Variants in MAP1A observed in about 807,000 individuals in gnomAD.
MAP1A encodes the protein microtubule-associated protein 1A.
In MAP1A, 42 loss-of-function variants were observed where a neutral mutation model predicts 185.9. The observed-to-expected ratio is 0.23, with a 90% CI of 0.18 to 0.29. The LOEUF (loss-of-function observed/expected upper bound fraction) is 0.29. Among genes scored for constraint, MAP1A ranks in the 10% least tolerant of loss-of-function variants. MAP1A has a pLI of 1.00. For missense variants in MAP1A, 2,995 were observed against 3,450.4 expected (o/e 0.87, Z 3.31); for synonymous variants, 1,229 against 1,335.9 (o/e 0.92, Z 1.74).
Position 43,528,257 on chromosome 15 carries a change from G to A in MAP1A, c.6784G>A (p.Glu2262Lys), listed in dbSNP as rs2079354848. 6.2e-7 allele frequency: 1 copy of A among 1,614,036 alleles called. No individual in the cohort carries two copies. The highest frequency in any genetic ancestry group is 1.7e-5 in the Admixed American group (1 of 60,034). ...AGCCCTGTCTGAGGGCTCCTCCTCT[G>A]AGGCTACCACGCCTGTGATTTCAAG... ...SPALSEGSSS[E>K]ATTPVISSVA... is the part of the protein sequence containing the mutation. The change falls in exon 4 of 6, where the codon GAG (glutamate) becomes AAG (lysine). Residue 2262 changes from glutamate (E) to lysine (K), a missense_variant. By Grantham distance (56) the Glu-to-Lys change is moderately conservative (BLOSUM62 1). This residue lies in a region of MAP1A where 2,728 missense variants were observed against 2,986.0 expected (regional missense o/e 0.91). Coordinates refer to ENST00000300231, the MANE Select transcript of MAP1A (RefSeq NM_002373.6).
In MAP1A at chr15:43,528,727, C is replaced by G. The variant is rs1180166623; in HGVS notation, c.7254C>G (p.Gly2418=). 6 of 1,612,918 alleles carry G rather than the reference C, an allele frequency of 3.7e-6. No homozygotes were observed. The highest frequency in any genetic ancestry group is 1.3e-5 in the African/African-American group (1 of 74,924). ...AGCAGCCAGTGTGTCCTGCAGGGGG[C>G]TCCGGGGGCCCACCCAGCAGTGCCT... ...SPEQPVCPAG[G]SGGPPSSASP... is the part of the protein sequence containing the mutation. The change falls in exon 4 of 6, where the codon GGC becomes GGG. Residue 2418 remains glycine, a synonymous_variant. Coordinates refer to ENST00000300231, the MANE Select transcript of MAP1A (RefSeq NM_002373.6).
At position 43,522,261 on chromosome 15, in the gene MAP1A, T is replaced by C. The variant is rs764488460; in HGVS notation, c.788T>C (p.Val263Ala). 6 of 1,614,096 alleles carry C rather than the reference T, an allele frequency of 3.7e-6. No individual in the cohort carries two copies. In the African/African-American group the frequency reaches 8.0e-5, roughly 22 times the overall value. ...CCAGCCAATCCCACTGAGAAGATTGTGCGTGTGCTTTTTCCAGGAAATGCT... is the reference window on the plus strand; with the variant it reads ...CCAGCCAATCCCACTGAGAAGATTGCGCGTGTGCTTTTTCCAGGAAATGCT... ...WLPANPTEKI[V>A]RVLFPGNAPQ... The change falls in exon 4 of 6, where the codon GTG (valine) becomes GCG (alanine). Residue 263 changes from valine (V) to alanine (A), a missense_variant. By Grantham distance (64) the Val-to-Ala change is moderately conservative. Transcript: ENST00000300231. This position sits in a 1 kb window ranked among gnomAD's most constrained non-coding sequence, Gnocchi z 5.9.
In MAP1A at chr15:43,525,853, G is replaced by A. The variant is rs761548310; in HGVS notation, c.4380G>A (p.Lys1460=). 6 of 1,574,200 alleles carry A rather than the reference G, an allele frequency of 3.8e-6. No homozygotes were observed. The highest frequency in any genetic ancestry group is 5.2e-6 in the Non-Finnish European group (6 of 1,162,746). Residue 1460 remains lysine (K), a synonymous_variant, in exon 4 of 6, where the codon AAG becomes AAA. Coordinates refer to ENST00000300231, the MANE Select transcript of MAP1A (RefSeq NM_002373.6). Reference sequence around the variant, plus strand: ...AGAAAGACAAAGCCTTAGAACAAAAGGATACAGCCCTGGAACAGAAGGACA... The same window carrying A: ...AGAAAGACAAAGCCTTAGAACAAAAAGATACAGCCCTGGAACAGAAGGACA... The part of the protein sequence containing the change: ...PEEKDKALEQ[K]DTALEQKDKA...
At position 43,530,400 on chromosome 15, in the gene MAP1A, C is replaced by A. The variant is rs1362714530; in HGVS notation, c.*176C>A. 1 of 736,032 alleles carries A rather than the reference C, an allele frequency of 1.4e-6. No individual in the cohort carries two copies. The highest frequency in any genetic ancestry group is 3.0e-5 in the Admixed American group (1 of 33,738). The allele number at this position is 736,032 out of a possible 1,614,324, so 45.6% of individuals were successfully genotyped here. A position where few individuals can be genotyped will look rare whatever the true frequency, so the allele number is the denominator to read the frequency against. ...GGGTTGTCCCTCCCCATCATCCATT[C>A]CTGTGAGGTGTCTCAAACCAAAGTT... is the stretch of plus-strand genomic sequence containing the variant. On this transcript the variant is annotated 3_prime_UTR_variant, in exon 6 of 6. Coordinates refer to ENST00000300231, the MANE Select transcript of MAP1A (RefSeq NM_002373.6).
chr15:43,525,038 G>A lies in MAP1A; in HGVS notation c.3565G>A (p.Val1189Ile), dbSNP rs1186282250. 1.9e-6 allele frequency: 3 copies of A among 1,614,162 alleles called. No homozygotes were observed. In the South Asian group the frequency reaches 3.3e-5, roughly 18 times the overall value. Residue 1189 changes from valine (V) to isoleucine (I), a missense_variant, in exon 4 of 6, where the codon GTA becomes ATA. Val to Ile is a conservative substitution (Grantham distance 29). Coordinates refer to ENST00000300231, the MANE Select transcript of MAP1A (RefSeq NM_002373.6). ...CCTACACAAAGACCGTTGGCCAGAG[G>A]TATCTCCAGAAGACACCCAGTCACT... Reference protein sequence around the residue: ...QYLHKDRWPEVSPEDTQSLSL... With the variant: ...QYLHKDRWPEISPEDTQSLSL...
Position 43,525,609 on chromosome 15 carries a change from T to G in MAP1A, c.4136T>G (p.Val1379Gly). The G allele has an allele frequency of 6.3e-7, 1 of 1,593,142 alleles. No individual in the cohort carries two copies. The change falls in exon 4 of 6, where the codon GTG becomes GGG. Residue 1379 changes from valine to glycine, a missense_variant. Physicochemically the swap from Val to Gly is moderately radical, Grantham distance 109. This residue lies in a region of MAP1A where 2,728 missense variants were observed against 2,986.0 expected (regional missense o/e 0.91). Transcript: ENST00000300231. ...QKDKTLEHKE[V>G]VEPKDTAIYQ... Reference sequence around the variant, plus strand: ...GACAAAACTCTGGAGCACAAGGAGGTGGTAGAGCCGAAGGATACAGCCATC... The same window carrying G: ...GACAAAACTCTGGAGCACAAGGAGGGGGTAGAGCCGAAGGATACAGCCATC...
intron 1 of MAP1A, among the ~76,000 whole-genome samples, chr15:43,518,483 T>A (rs947466728): frequency 3.9e-5 from 6 of 152,104 alleles, no homozygotes; most frequent in Admixed American, 2.6e-4. Flanking sequence ...GGAGCCAGTT[T>A]CTTCTCTCTC....
In MAP1A at chr15:43,524,513, C is replaced by G; in HGVS notation, c.3040C>G (p.Pro1014Ala). 2 of 1,614,138 alleles carry G rather than the reference C, an allele frequency of 1.2e-6. No homozygotes were observed. The highest frequency in any genetic ancestry group is 1.7e-6 in the Non-Finnish European group (2 of 1,180,030). Reference protein sequence around the residue: ...SATHTPFHQSPVEEKSEPQDF... With the variant: ...SATHTPFHQSAVEEKSEPQDF... ...CACCCACACACCCTTTCATCAGTCCCCAGTGGAAGAAAAGTCTGAGCCCCA... is the reference window on the plus strand; with the variant it reads ...CACCCACACACCCTTTCATCAGTCCGCAGTGGAAGAAAAGTCTGAGCCCCA... The change falls in exon 4 of 6, where the codon CCA (proline) becomes GCA (alanine). Residue 1014 changes from proline (P) to alanine (A), a missense_variant. Around this residue, in one of 3 missense-constraint regions of MAP1A, gnomAD observed 2,728 missense variants for 2,986.0 expected, o/e 0.91. Coordinates refer to ENST00000300231, the MANE Select transcript of MAP1A (RefSeq NM_002373.6).
rs756315722 is a variant in MAP1A at position 43,523,905 on chromosome 15, A to C, written c.2432A>C (p.Tyr811Ser). The change falls in exon 4 of 6, where the codon TAC becomes TCC. Residue 811 changes from tyrosine (Y) to serine (S), a missense_variant. By Grantham distance (144) the Tyr-to-Ser change is moderately radical (BLOSUM62 -2). Coordinates refer to ENST00000300231, the MANE Select transcript of MAP1A (RefSeq NM_002373.6). ...VYGTPETELTYPTNIVAAPLA... is the reference protein window; with the variant it reads ...VYGTPETELTSPTNIVAAPLA... ...GGAACGCCAGAGACTGAACTCACCT[A>C]CCCCACTAACATAGTGGCTGCCCCT... is the stretch of plus-strand genomic sequence containing the variant. 6.2e-7 allele frequency: 1 copy of C among 1,614,086 alleles called. No individual in the cohort carries two copies. The highest frequency in any genetic ancestry group is 8.5e-7 in the Non-Finnish European group (1 of 1,180,000).
intron 1 of MAP1A, among the ~76,000 whole-genome samples, chr15:43,511,717 G>A (rs1357374199): frequency 6.6e-6 from 1 of 152,224 alleles, no homozygotes; most frequent in Non-Finnish European, 1.5e-5. Context: ...TCCTTCCCCA[G>A]TGCTGTGCCT....
Position 43,527,577 on chromosome 15 carries a change from A to G in MAP1A, c.6104A>G (p.Tyr2035Cys), listed in dbSNP as rs2079350886. The change falls in exon 4 of 6, where the codon TAT becomes TGT. Residue 2035 changes from tyrosine (Y) to cysteine (C), a missense_variant. By Grantham distance (194) the Tyr-to-Cys change is radical (BLOSUM62 -2). Around this residue, in one of 3 missense-constraint regions of MAP1A, gnomAD observed 2,728 missense variants for 2,986.0 expected, o/e 0.91. Transcript: ENST00000300231. ...CAGTCTGACACTCCAACCTTCAGCT[A>G]TGCAGCCCTGGCAGGACCCACTGTA... The part of the protein sequence containing the change: ...SLQSDTPTFS[Y>C]AALAGPTVPP... The G allele has an allele frequency of 1.2e-6, 2 of 1,614,124 alleles. No homozygotes were observed. The highest frequency in any genetic ancestry group is 8.5e-7 in the Non-Finnish European group (1 of 1,180,016).
rs368651386 is a variant in MAP1A, at chr15:43,524,206, C to G, written c.2733C>G (p.Pro911=). 4.3e-6 allele frequency: 7 copies of G among 1,614,092 alleles called. No homozygotes were observed. The highest frequency in any genetic ancestry group is 5.9e-6 in the Non-Finnish European group (7 of 1,180,046). ...LEEDKGFKSP[P]CEDFSVTGES... is the part of the protein sequence containing the mutation. ...AAGACAAGGGCTTCAAATCACCACCCTGTGAGGACTTCTCTGTGACTGGGG... is the reference window on the plus strand; with the variant it reads ...AAGACAAGGGCTTCAAATCACCACCGTGTGAGGACTTCTCTGTGACTGGGG... The change falls in exon 4 of 6, where the codon CCC becomes CCG. Residue 911 remains proline (P), a synonymous_variant. Coordinates refer to ENST00000300231, the MANE Select transcript of MAP1A (RefSeq NM_002373.6).
chr15:43,522,128 T>C lies in MAP1A; in HGVS notation c.655T>C (p.Trp219Arg), dbSNP rs1359709178. 6.2e-7 allele frequency: 1 copy of C among 1,614,172 alleles called. No homozygotes were observed. Among genetic ancestry groups the C allele is most frequent in the Middle Eastern group, 1.6e-4 (1 of 6,062 alleles). The change falls in exon 4 of 6, where the codon TGG becomes CGG. Residue 219 changes from tryptophan to arginine, a missense_variant. Coordinates refer to ENST00000300231, the MANE Select transcript of MAP1A (RefSeq NM_002373.6). The surrounding 1 kb of genome is among the most constrained non-coding windows in gnomAD (Gnocchi z 5.9). ...GGAGATGCAGTTCCTCATGCAAAAG[T>C]GGGCAGGCAATAGTAAAGCCAAGAC... Reference protein sequence around the residue: ...SKEMQFLMQKWAGNSKAKTGI... With the variant: ...SKEMQFLMQKRAGNSKAKTGI...
rs1327016588 is a variant in MAP1A at position 43,528,700 on chromosome 15, T to C, written c.7227T>C (p.Pro2409=). 3.7e-6 allele frequency: 6 copies of C among 1,613,566 alleles called. No homozygotes were observed. The highest frequency in any genetic ancestry group is 5.1e-6 in the Non-Finnish European group (6 of 1,179,966). The change falls in exon 4 of 6, where the codon CCT becomes CCC. Residue 2409 remains proline (P), a synonymous_variant. Coordinates refer to ENST00000300231, the MANE Select transcript of MAP1A (RefSeq NM_002373.6). Reference sequence around the variant, plus strand: ...CCCGGCCTGACACATTGCTCTCCCCTGAGCAGCCAGTGTGTCCTGCAGGGG... The same window carrying C: ...CCCGGCCTGACACATTGCTCTCCCCCGAGCAGCCAGTGTGTCCTGCAGGGG... ...RSSRPDTLLS[P]EQPVCPAGGS...
rs1466585351 is a variant in MAP1A at position 43,523,249 on chromosome 15, G to A, written c.1776G>A (p.Glu592=). ...GACAAGAAGAACATGTGATGAAGGAGAAAGAGCTTGTCCCAGAGGTCCCTG... is the reference window on the plus strand; with the variant it reads ...GACAAGAAGAACATGTGATGAAGGAAAAAGAGCTTGTCCCAGAGGTCCCTG... ...GLGQEEHVMK[E]KELVPEVPEE... The change falls in exon 4 of 6, where the codon GAG becomes GAA. Residue 592 remains glutamate (E), a synonymous_variant. Transcript: ENST00000300231. The A allele has an allele frequency of 6.2e-7, 1 of 1,614,076 alleles. No homozygotes were observed. The highest frequency in any genetic ancestry group is 8.5e-7 in the Non-Finnish European group (1 of 1,179,972).
intron 1 of MAP1A, chr15:43,511,262 T>G: frequency 5.3e-5 from 79 of 1,484,580 alleles, no homozygotes; most frequent in Non-Finnish European, 6.7e-5. Context: ...CAGGCATCTC[T>G]ACCCTGTGCT....
upstream of MAP1A, among the ~76,000 whole-genome samples, chr15:43,515,704 G>A (rs1212001049): frequency 1.3e-5 from 2 of 152,224 alleles, no homozygotes; most frequent in African/African-American, 2.4e-5. Context: ...AGTTTATGAA[G>A]TAGGCTCTGA....
At position 43,529,168 on chromosome 15, in the gene MAP1A, G is replaced by A; in HGVS notation, c.7695G>A (p.Gln2565=). 1.2e-6 allele frequency: 2 copies of A among 1,612,700 alleles called. No individual in the cohort carries two copies. The highest frequency in any genetic ancestry group is 1.7e-6 in the Non-Finnish European group (2 of 1,179,614). ...RPGHDPPPLP[Q]PDPRPSPPRP... is the part of the protein sequence containing the mutation. ...GCCATGACCCACCTCCTCTCCCACA[G>A]CCAGACCCCCGCCCATCCCCTCCCC... Residue 2565 remains glutamine (Q), a synonymous_variant, in exon 4 of 6, where the codon CAG becomes CAA. Transcript: ENST00000300231. The surrounding 1 kb of genome is among the most constrained non-coding windows in gnomAD (Gnocchi z 4.3).
In MAP1A at chr15:43,521,934, G is replaced by T; in HGVS notation, c.461G>T (p.Arg154Leu). ...CCTGATGCCTCCCGGAAAGCCAAGC[G>T]TAGCATTGAGGAGGCCTGCCTCACT... is the stretch of plus-strand genomic sequence containing the variant. ...RLPDASRKAK[R>L]SIEEACLTLQ... is the part of the protein sequence containing the mutation. Residue 154 changes from arginine to leucine, a missense_variant, in exon 4 of 6, where the codon CGT (arginine) becomes CTT (leucine). By Grantham distance (102) the Arg-to-Leu change is moderately radical (BLOSUM62 -2). This residue lies in a region of MAP1A where 264 missense variants were observed against 435.3 expected (regional missense o/e 0.61). Coordinates refer to ENST00000300231, the MANE Select transcript of MAP1A (RefSeq NM_002373.6). This position sits in a 1 kb window ranked among gnomAD's most constrained non-coding sequence, Gnocchi z 4.6. 1 of 1,614,120 alleles carries T rather than the reference G, an allele frequency of 6.2e-7. No individual in the cohort carries two copies. Among genetic ancestry groups the T allele is most frequent in the Non-Finnish European group, 8.5e-7 (1 of 1,180,022 alleles).
Sources: gnomAD v4.1 joint callset for allele counts (sites outside exome capture counted in the v4.1 genomes callset) on GRCh38, gnomAD v4.1.1 for gene constraint, gnomAD v4.1.1 regional missense constraint, Gnocchi (gnomAD v3.1) non-coding constraint, MANE v1.5 for transcripts, NCBI Gene and HGNC (gene_info 2026-07-23, HGNC 2026-07-21) for gene names.